The following SEMA5B variants were observed in gnomAD, a reference collection of about 807,000 sequenced individuals.
SEMA5B encodes semaphorin-5B.
SEMA5B carries 66 observed loss-of-function variants against 135.0 expected under a neutral mutation model. The ratio of observed to expected loss-of-function variants is 0.49; its 90% CI spans 0.40 to 0.60. The LOEUF (loss-of-function observed/expected upper bound fraction) is 0.60, where lower values mean the gene tolerates loss of function less well. SEMA5B is among the 20% of genes least tolerant of loss of function. The probability of loss-of-function intolerance (pLI) is 0.00; values close to 1 mark genes in which losing one functional copy is unlikely to be tolerated. For missense variants in SEMA5B, 1,501 were observed against 1,566.3 expected (o/e 0.96, Z 0.70); for synonymous variants, 690 against 639.5 (o/e 1.08, Z -1.19).
In SEMA5B at chr3:122,948,524, G is replaced by T; in HGVS notation, c.310C>A (p.Pro104Thr). The change falls in exon 3 of 23, where the codon CCC (proline) becomes ACC (threonine). Residue 104 changes from proline to threonine, a missense_variant. Transcript: ENST00000357599. Reference protein sequence around the residue: ...EQQLCALSKHPTVAFEDLQPW... With the variant: ...EQQLCALSKHTTVAFEDLQPW... ...CTCTTACCTTCAAAGGCCACGGTGG[G>T]GTGCTTGCTAAGGGCGCACAGCTGC... 1 of 1,605,234 alleles carries T rather than the reference G, an allele frequency of 6.2e-7. No individual in the cohort carries two copies. Among genetic ancestry groups the T allele is most frequent in the Non-Finnish European group, 8.5e-7 (1 of 1,173,790 alleles).
At chr3:122,977,086 G>A (rs980345897) in intron 1 of SEMA5B, among the ~76,000 whole-genome samples, 7 of 152,198 alleles carry the variant, frequency 4.6e-5, no homozygotes, top group African/African-American at 1.4e-4. Flanking sequence ...GTTACACTGT[G>A]CAGTCAGGGC....
At chr3:122,991,892 A>G (rs1334440713) in intron 1 of SEMA5B, among the ~76,000 whole-genome samples, 3 of 152,186 alleles carry the variant, frequency 2.0e-5, no homozygotes, top group African/African-American at 7.2e-5. Context: ...GAGAGAAAAC[A>G]TGATCGCAGG....
intron 1 of SEMA5B, among the ~76,000 whole-genome samples, chr3:122,970,021 C>T (rs896851581): frequency 7.9e-5 from 12 of 152,166 alleles, no homozygotes; most frequent in South Asian, 2.1e-4. Context: ...CTCCGTGTCT[C>T]GGCTGATGTT....
At chr3:122,935,173 A>G (rs74455862) in intron 5 of SEMA5B, among the ~76,000 whole-genome samples, 2,083 of 152,270 alleles carry the variant, frequency 0.014, 31 homozygotes, top group Non-Finnish European at 0.021. Context: ...TCTCATAGAG[A>G]CTGGTGGGCT....
intron 2 of SEMA5B, among the ~76,000 whole-genome samples, chr3:122,949,262 TC>T (rs1939941295): frequency 1.3e-5 from 2 of 151,836 alleles, no homozygotes; most frequent in South Asian, 4.2e-4. Flanking sequence ...CACCTGCACT[TC>T]CCCCTCCTCT....
At position 122,913,560 on chromosome 3, in the gene SEMA5B, C is replaced by G. The variant is rs745756774; in HGVS notation, c.2254G>C (p.Gly752Arg). The change falls in exon 16 of 23, where the codon GGC becomes CGC. Residue 752 changes from glycine (G) to arginine (R), a missense_variant. This residue lies in a region of SEMA5B where 927 missense variants were observed against 881.6 expected (regional missense o/e 1.05). Transcript: ENST00000357599. Reference sequence around the variant, plus strand: ...ACGCCGCAGCCCAGGCAGGAGTTGCCGTTCTCGCAGGCCCGACGCCGCGAC... The same window carrying G: ...ACGCCGCAGCCCAGGCAGGAGTTGCGGTTCTCGCAGGCCCGACGCCGCGAC... ...MQSRRRACEN[G>R]NSCLGCGVEF... The G allele has an allele frequency of 1.4e-5, 23 of 1,612,558 alleles. No homozygotes were observed. Among genetic ancestry groups the G allele is most frequent in the Non-Finnish European group, 1.9e-5 (23 of 1,179,814 alleles).
chr3:122,978,496 A>G (rs1440628743), intron 1 of SEMA5B, among the ~76,000 whole-genome samples: 1 of 151,770 alleles, frequency 6.6e-6, no homozygotes. Context: ...CTTTTAATAG[A>G]CTCCCATAGA....
At chr3:122,932,523 G>A (rs1939031437) in intron 5 of SEMA5B, among the ~76,000 whole-genome samples, 1 of 151,980 alleles carries the variant, frequency 6.6e-6, no homozygotes, top group African/African-American at 2.4e-5. Context: ...CTGGGCAAAG[G>A]TCCAAGGAAC....
intron 21 of SEMA5B, 119 bp downstream of exon 21, chr3:122,911,372 G>C: frequency 6.4e-7 from 1 of 1,550,980 alleles, no homozygotes; most frequent in Non-Finnish European, 8.7e-7. Context: ...TCTCAAAGCA[G>C]TGGGGACCCC....
At chr3:122,948,897 T>G (rs146101382) in intron 2 of SEMA5B, among the ~76,000 whole-genome samples, 188 bp from the exon 3 acceptor site, 1 of 152,258 alleles carries the variant, frequency 6.6e-6, no homozygotes, top group Non-Finnish European at 1.5e-5. Context: ...CTAATTTCCC[T>G]TGTAATAGCA....
chr3:122,991,852 G>C (rs1941888967), intron 1 of SEMA5B, among the ~76,000 whole-genome samples: 1 of 152,154 alleles, frequency 6.6e-6, no homozygotes, highest in African/African-American at 2.4e-5. Context: ...GACTTAGGGA[G>C]ATATAAGCAA....
At chr3:122,928,890 G>T (rs1467552514) in intron 6 of SEMA5B, 106 bp downstream of exon 6, 2 of 1,149,784 alleles carry the variant, frequency 1.7e-6, no homozygotes, top group African/African-American at 1.5e-5. Flanking sequence ...TCCTGGCCAG[G>T]CCTCTCTAGC....
chr3:122,946,219 AAC>A (rs1939787242), intron 3 of SEMA5B, among the ~76,000 whole-genome samples: 1 of 152,228 alleles, frequency 6.6e-6, no homozygotes, highest in African/African-American at 2.4e-5. Context: ...CTGGAAAGGT[AAC>A]ACTGGCAAAT....
At chr3:122,941,871 T>C (rs6768090) in intron 4 of SEMA5B, among the ~76,000 whole-genome samples, 38,651 of 152,234 alleles carry the variant, frequency 0.25, 4,984 homozygotes, top group East Asian at 0.33. Flanking sequence ...GGGATCTCTA[T>C]TATTTCTTAC....
chr3:122,943,914 T>C (rs1354724734), intron 3 of SEMA5B, among the ~76,000 whole-genome samples: 1 of 152,152 alleles, frequency 6.6e-6, no homozygotes, highest in African/African-American at 2.4e-5. Context: ...CCCACCTACA[T>C]CCAAGCCACC....
intron 1 of SEMA5B, among the ~76,000 whole-genome samples, chr3:122,985,839 A>G (rs1378002898): frequency 1.3e-5 from 2 of 152,238 alleles, no homozygotes; most frequent in Non-Finnish European, 2.9e-5. Context: ...AAATGGAGCC[A>G]TATTTGGAAA....
intron 5 of SEMA5B, among the ~76,000 whole-genome samples, chr3:122,933,653 C>T (rs955973248): frequency 1.3e-5 from 2 of 152,094 alleles, no homozygotes; most frequent in East Asian, 1.9e-4. Context: ...CCTCTGTTCT[C>T]TTTTTGGAAC....
intron 1 of SEMA5B, among the ~76,000 whole-genome samples, chr3:123,012,172 C>T (rs1342375217): frequency 6.6e-6 from 1 of 152,176 alleles, no homozygotes; most frequent in African/African-American, 2.4e-5. Context: ...CGGGGCTCAT[C>T]GCTCCTTCAG....
rs761471611 is a variant in SEMA5B at position 122,923,634 on chromosome 3, G to C, written c.1255C>G (p.Pro419Ala). The C allele has an allele frequency of 3.7e-6, 6 of 1,614,040 alleles. No individual in the cohort carries two copies. Among genetic ancestry groups the C allele is most frequent in the Non-Finnish European group, 4.2e-6 (5 of 1,180,006 alleles). Residue 419 changes from proline to alanine, a missense_variant, in exon 10 of 23, where the codon CCC (proline) becomes GCC (alanine). This residue lies in a region of SEMA5B where 574 missense variants were observed against 684.7 expected (regional missense o/e 0.84). Coordinates refer to ENST00000357599, the MANE Select transcript of SEMA5B (RefSeq NM_001031702.4). ...PRAAWLPIAN[P>A]IPNFQCGTLP... Reference sequence around the variant, plus strand: ...TTCTGTACCTGGAAATTGGGGATGGGGTTGGCTATGGGGAGCCAGGCAGCC... The same window carrying C: ...TTCTGTACCTGGAAATTGGGGATGGCGTTGGCTATGGGGAGCCAGGCAGCC...
Sources: allele counts gnomAD v4.1 joint callset (sites outside exome capture counted in the v4.1 genomes callset), GRCh38; gene constraint gnomAD v4.1.1; regional missense constraint gnomAD v4.1.1; transcripts MANE v1.5; gene names NCBI Gene and HGNC (gene_info 2026-07-23, HGNC 2026-07-21).